Variants in GLDC observed in about 807,000 individuals in gnomAD.
GLDC encodes glycine dehydrogenase (decarboxylating), mitochondrial.
Under a neutral mutation model 121.3 loss-of-function variants are expected in GLDC, and 104 were observed. The ratio of observed to expected loss-of-function variants is 0.86; its 90% CI spans 0.73 to 1.01. GLDC has a LOEUF of 1.01. GLDC is among the 50% of genes least tolerant of loss of function. The pLI is 0.00. For synonymous variants in GLDC, 546 were observed against 480.6 expected (o/e 1.14, Z -1.78); for missense variants, 1,429 against 1,306.6 (o/e 1.09, Z -1.44).
chr9:6,602,232 A>T, intron 7 of GLDC, 27 bp from the exon 8 acceptor site: 1 of 1,317,642 alleles, frequency 7.6e-7, no homozygotes, highest in Non-Finnish European at 1.1e-6. Flanking sequence ...GCATCCAGTT[A>T]GCACAGATAA....
At position 6,593,046 on chromosome 9, in the gene GLDC, T is replaced by C. The variant is rs553415375; in HGVS notation, c.1262-56A>G. On this transcript the variant is annotated intron_variant, in intron 9 of 24. Coordinates refer to ENST00000321612, the MANE Select transcript of GLDC (RefSeq NM_000170.3). Reference sequence around the variant, plus strand: ...CATATAGAAACCTGCTCCTCAGCCATTGACATGTCACAGAATAATAAAGAG... The same window carrying C: ...CATATAGAAACCTGCTCCTCAGCCACTGACATGTCACAGAATAATAAAGAG... 5 of 1,572,474 alleles carry C rather than the reference T, an allele frequency of 3.2e-6. No homozygotes were observed. In the East Asian group the frequency reaches 6.7e-5, roughly 21 times the overall value.
intron 2 of GLDC, among the ~76,000 whole-genome samples, chr9:6,644,058 A>G (rs113839773): frequency 0.015 from 2,188 of 145,496 alleles, 78 homozygotes; most frequent in Admixed American, 0.045. Context: ...AAACGAAAAA[A>G]AAAAGAAAAG....
At chr9:6,620,436 G>A (rs1034898100) in intron 2 of GLDC, 117 bp from the exon 3 acceptor site, 6 of 879,352 alleles carry the variant, frequency 6.8e-6, no homozygotes, top group South Asian at 1.4e-5. Flanking sequence ...TATGGAAAAT[G>A]TAAGAGTCAT....
At chr9:6,542,312 C>T (rs976256215) in intron 21 of GLDC, 3 of 152,324 alleles carry the variant, frequency 2.0e-5, no homozygotes, top group African/African-American at 7.2e-5. Flanking sequence ...CATAACAGCT[C>T]ACTGCAGCCT....
At chr9:6,587,815 G>C (rs1818301029) in intron 14 of GLDC, among the ~76,000 whole-genome samples, 1 of 152,094 alleles carries the variant, frequency 6.6e-6, no homozygotes, top group Non-Finnish European at 1.5e-5. Context: ...TAAAAAAATA[G>C]AGAGGGAAAT....
chr9:6,555,647 C>T (rs898536298), intron 18 of GLDC, among the ~76,000 whole-genome samples: 2 of 151,998 alleles, frequency 1.3e-5, no homozygotes, highest in African/African-American at 4.8e-5. Context: ...AAAAAATTAG[C>T]TGGGTGTGGC....
At chr9:6,626,894 C>T (rs1390372256) in intron 2 of GLDC, among the ~76,000 whole-genome samples, 1 of 152,180 alleles carries the variant, frequency 6.6e-6, no homozygotes, top group East Asian at 1.9e-4. Context: ...CAGCCAGGAA[C>T]CCACTGGCCC....
chr9:6,629,958 T>TATGTATATATATATATATA, intron 2 of GLDC, among the ~76,000 whole-genome samples: 1 of 78,680 alleles, frequency 1.3e-5, no homozygotes, highest in Non-Finnish European at 2.4e-5. Context: ...TATATATATA[T>TATGTATATATATATATATA]TTTTTTTTTT....
intron 9 of GLDC, among the ~76,000 whole-genome samples, chr9:6,594,130 C>T (rs545501751): frequency 2.4e-4 from 36 of 152,210 alleles, no homozygotes; most frequent in African/African-American, 8.7e-4. Flanking sequence ...TAGCTCACTA[C>T]ATAGCAGCAT....
chr9:6,590,729 T>G (rs905115700), intron 11 of GLDC, among the ~76,000 whole-genome samples: 1 of 152,244 alleles, frequency 6.6e-6, no homozygotes, highest in African/African-American at 2.4e-5. Flanking sequence ...AATGGCCCTC[T>G]TGACCCCTTA....
intron 2 of GLDC, among the ~76,000 whole-genome samples, chr9:6,644,029 C>CA (rs531081758): frequency 0.061 from 1,118 of 18,218 alleles, 124 homozygotes; most frequent in Non-Finnish European, 0.076. Flanking sequence ...GATTCTGTCT[C>CA]AAAAAAAAAA....
intron 2 of GLDC, among the ~76,000 whole-genome samples, chr9:6,621,204 T>C (rs1412818146): frequency 3.9e-5 from 6 of 152,158 alleles, no homozygotes; most frequent in Non-Finnish European, 8.8e-5. Flanking sequence ...CACACCCTTA[T>C]GCAGTTTCTA....
rs1817560234 is a variant in GLDC, at chr9:6,553,640, T to C, written c.2316-131A>G. The C allele has an allele frequency of 4.9e-5, 40 of 824,280 alleles. No individual in the cohort carries two copies. In the East Asian group the frequency reaches 1.0e-3, roughly 21 times the overall value. The allele number at this position is 824,280 out of a possible 1,614,324, so 51.1% of individuals were successfully genotyped here. A position where few individuals can be genotyped will look rare whatever the true frequency, so the allele number is the denominator to read the frequency against. ...CTGACAGTGGAAGGGACTCTCCACC[T>C]GCTGGGAGGCAGATGTTCAGGAAGC... On this transcript the variant is annotated intron_variant, in intron 19 of 24. Coordinates refer to ENST00000321612, the MANE Select transcript of GLDC (RefSeq NM_000170.3).
At position 6,604,524 on chromosome 9, in the gene GLDC, G is replaced by A. The variant is rs1241713866; in HGVS notation, c.1058+64C>T. 3.5e-6 allele frequency: 5 copies of A among 1,408,592 alleles called. No homozygotes were observed. The Admixed American group carries it at 8.4e-5, about 24-fold the overall frequency. 87.3% of individuals were successfully genotyped at this position (1,408,592 alleles called of 1,614,324 possible). ...TGAATTCAGATAGAAATCAACATTT[G>A]TGATCAGAAGAAATCAGGGAAATCA... is the stretch of plus-strand genomic sequence containing the variant. On this transcript the variant is annotated intron_variant, in intron 7 of 24. Transcript: ENST00000321612.
At chr9:6,556,904 A>C (rs969415308) in intron 17 of GLDC, among the ~76,000 whole-genome samples, 5 of 152,184 alleles carry the variant, frequency 3.3e-5, no homozygotes, top group African/African-American at 1.2e-4. Flanking sequence ...TTTTGGGCCC[A>C]ACTCTCTAAG....
intron 2 of GLDC, among the ~76,000 whole-genome samples, chr9:6,629,958 T>TATGTGTGTATATATATA: frequency 1.3e-5 from 1 of 78,678 alleles, no homozygotes; most frequent in African/African-American, 6.1e-5. Context: ...TATATATATA[T>TATGTGTGTATATATATA]TTTTTTTTTT....
chr9:6,588,591 A>G (rs1215403274), intron 13 of GLDC, 27 bp downstream of exon 13: 2 of 1,567,520 alleles, frequency 1.3e-6, no homozygotes, highest in South Asian at 2.2e-5. Flanking sequence ...TAGCTTGGAA[A>G]TGAGAAAAAA....
chr9:6,626,914 G>T (rs1305823956), intron 2 of GLDC, among the ~76,000 whole-genome samples: 1 of 152,192 alleles, frequency 6.6e-6, no homozygotes, highest in African/African-American at 2.4e-5. Flanking sequence ...CAATTCATCA[G>T]TTCTGGGTCT....
chr9:6,542,722 C>CA (rs1280996905), intron 21 of GLDC, among the ~76,000 whole-genome samples: 1 of 148,142 alleles, frequency 6.8e-6, no homozygotes, highest in Non-Finnish European at 1.5e-5. Flanking sequence ...CTTGTTTCTA[C>CA]AAAAAAACAA....
Sources: gnomAD v4.1 joint callset for allele counts (sites outside exome capture counted in the v4.1 genomes callset) on GRCh38, gnomAD v4.1.1 for gene constraint, MANE v1.5 for transcripts, NCBI Gene and HGNC (gene_info 2026-07-23, HGNC 2026-07-21) for gene names.